The following ARHGAP31 variants were observed in gnomAD, a reference collection of about 807,000 sequenced individuals.
ARHGAP31 encodes the protein rho GTPase-activating protein 31.
ARHGAP31 carries 34 observed loss-of-function variants against 113.9 expected under a neutral mutation model. The ratio of observed to expected loss-of-function variants is 0.30; its 90% CI spans 0.23 to 0.40. ARHGAP31 has a LOEUF of 0.40. ARHGAP31 is among the 10% of genes least tolerant of loss of function. ARHGAP31 has a pLI of 1.00. For synonymous variants in ARHGAP31, 650 were observed against 684.8 expected, an observed-to-expected ratio of 0.95 and a Z score of 0.79; for missense variants, 1,548 against 1,767.1, an observed-to-expected ratio of 0.88 and a Z score of 2.22.
chr3:119,305,227 G>T (rs556615551), intron 1 of ARHGAP31, among the ~76,000 whole-genome samples: 4 of 152,170 alleles, frequency 2.6e-5, no homozygotes, highest in African/African-American at 9.7e-5. Context: ...AGTAAAACAG[G>T]TCTGATATGC....
In ARHGAP31 at chr3:119,343,617, TGTGGCTGGTA is replaced by T. The variant is rs2080029567; in HGVS notation, c.101-21696_101-21687del. On this transcript the variant is annotated intron_variant, in intron 1 of 11. Coordinates refer to ENST00000264245, the MANE Select transcript of ARHGAP31 (RefSeq NM_020754.4). ...ATCCACATATTCATACCATCAAAAA[TGTGGCTGGTA>T]GTCAAGGAGCAGAGCCACCAGGAGG... Among the ~76,000 whole-genome samples the T allele has an allele frequency of 2.0e-5, 3 of 152,150 alleles. No homozygotes were observed. In the South Asian group the frequency reaches 6.2e-4, roughly 31 times the overall value.
intron 1 of ARHGAP31, among the ~76,000 whole-genome samples, chr3:119,345,947 C>T (rs1015400630): frequency 1.3e-5 from 2 of 152,256 alleles, no homozygotes; most frequent in African/African-American, 4.8e-5. Context: ...CAGATGCTCA[C>T]TGCCTGTCCT....
intron 4 of ARHGAP31, 28 bp downstream of exon 4, chr3:119,381,014 T>C (rs758721508): frequency 3.1e-6 from 5 of 1,592,214 alleles, no homozygotes; most frequent in Non-Finnish European, 3.4e-6. Context: ...AAGAAACGTG[T>C]GGCCTCTCAA....
intron 3 of ARHGAP31, among the ~76,000 whole-genome samples, chr3:119,369,418 G>A (rs2080277710): frequency 6.6e-6 from 1 of 152,232 alleles, no homozygotes; most frequent in African/African-American, 2.4e-5. Context: ...AGTGAAGTCA[G>A]TGGACTGTAT....
Position 119,294,517 on chromosome 3 carries a change from G to A in ARHGAP31, c.-388G>A. ...GGCAGTCTCCTCGCCCCGCGTCCGC[G>A]TCGTCTCCGGGGCACTTAGTAAGGG... On this transcript the variant is annotated 5_prime_UTR_variant, in exon 1 of 12. Coordinates refer to ENST00000264245, the MANE Select transcript of ARHGAP31 (RefSeq NM_020754.4). The A allele has an allele frequency of 2.2e-6, 1 of 451,024 alleles. No individual in the cohort carries two copies. The highest frequency in any genetic ancestry group is 3.8e-6 in the Non-Finnish European group (1 of 261,858). 27.9% of individuals were successfully genotyped at this position (451,024 alleles called of 1,614,324 possible).
At chr3:119,371,105 A>G (rs1435536930) in intron 3 of ARHGAP31, among the ~76,000 whole-genome samples, 1 of 152,226 alleles carries the variant, frequency 6.6e-6, no homozygotes, top group East Asian at 1.9e-4. Flanking sequence ...TCTTATCAGT[A>G]CCATATTATC....
At chr3:119,396,051 A>T (rs1187442320) in intron 8 of ARHGAP31, among the ~76,000 whole-genome samples, 1 of 152,220 alleles carries the variant, frequency 6.6e-6, no homozygotes, top group Non-Finnish European at 1.5e-5. Flanking sequence ...GCCATGAAAG[A>T]GGTTCACCAG....
chr3:119,327,134 T>C (rs1353844513), intron 1 of ARHGAP31, among the ~76,000 whole-genome samples: 1 of 151,744 alleles, frequency 6.6e-6, no homozygotes, highest in Non-Finnish European at 1.5e-5. Flanking sequence ...AGCCAGACCT[T>C]GTCTCAAAAA....
At chr3:119,364,587 A>T (rs1462928227) in intron 1 of ARHGAP31, among the ~76,000 whole-genome samples, 1 of 152,176 alleles carries the variant, frequency 6.6e-6, no homozygotes, top group African/African-American at 2.4e-5. Flanking sequence ...AAAGGCACAG[A>T]TTGCTGGGCC....
Position 119,415,131 on chromosome 3 carries a change from A to G in ARHGAP31, c.3202A>G (p.Ser1068Gly). 4 of 1,614,212 alleles carry G rather than the reference A, an allele frequency of 2.5e-6. No homozygotes were observed. Among genetic ancestry groups the G allele is most frequent in the Middle Eastern group, 1.6e-4 (1 of 6,062 alleles). The change falls in exon 12 of 12, where the codon AGC becomes GGC. Residue 1068 changes from serine to glycine, a missense_variant. Physicochemically the swap from Ser to Gly is moderately conservative, Grantham distance 56 (BLOSUM62 0). Coordinates refer to ENST00000264245, the MANE Select transcript of ARHGAP31 (RefSeq NM_020754.4). ...AGGTGGTGTTCCTGGGCCAGAGAGCAGCAAGGAGAGTTCACCCAGCGTGCA... is the reference window on the plus strand; with the variant it reads ...AGGTGGTGTTCCTGGGCCAGAGAGCGGCAAGGAGAGTTCACCCAGCGTGCA... ...RQGGVPGPES[S>G]KESSPSVQDS...
At chr3:119,318,286 T>A (rs1266309178) in intron 1 of ARHGAP31, among the ~76,000 whole-genome samples, 1 of 152,132 alleles carries the variant, frequency 6.6e-6, no homozygotes, top group Admixed American at 6.5e-5. Context: ...ACCCAGCAGT[T>A]TCTACGAAGT....
intron 1 of ARHGAP31, among the ~76,000 whole-genome samples, chr3:119,301,004 T>C (rs2107592580): frequency 6.6e-6 from 1 of 151,886 alleles, no homozygotes. Context: ...GCTCCCAGAG[T>C]GAAACAGGAA....
intron 7 of ARHGAP31, among the ~76,000 whole-genome samples, chr3:119,391,589 AC>A (rs368549202): frequency 0.21 from 21,247 of 102,970 alleles, 1,704 homozygotes; most frequent in African/African-American, 0.41. Flanking sequence ...CTGGGTCTCT[AC>A]CCCCCCCTCC....
intron 7 of ARHGAP31, among the ~76,000 whole-genome samples, chr3:119,392,398 T>C (rs2107636322): frequency 6.6e-6 from 1 of 152,314 alleles, no homozygotes; most frequent in South Asian, 2.1e-4. Flanking sequence ...CAGTAAGCCT[T>C]GTTTGCACCA....
chr3:119,353,527 G>A (rs2080129158), intron 1 of ARHGAP31, among the ~76,000 whole-genome samples: 1 of 152,214 alleles, frequency 6.6e-6, no homozygotes, highest in African/African-American at 2.4e-5. Context: ...TAGCTAGGCT[G>A]GGCACGGTGG....
intron 6 of ARHGAP31, among the ~76,000 whole-genome samples, chr3:119,389,434 A>C (rs2080484262): frequency 6.6e-6 from 1 of 152,260 alleles, no homozygotes; most frequent in Admixed American, 6.5e-5. Flanking sequence ...ACAAATATTC[A>C]AAGTAGATTA....
intron 2 of ARHGAP31, among the ~76,000 whole-genome samples, chr3:119,367,421 T>C (rs944538352): frequency 2.0e-5 from 3 of 152,182 alleles, no homozygotes; most frequent in African/African-American, 7.2e-5. Context: ...TTTTAGGAAA[T>C]GTTTTCTAAA....
intron 1 of ARHGAP31, among the ~76,000 whole-genome samples, chr3:119,326,477 GA>G (rs2079845165): frequency 7.4e-6 from 1 of 134,352 alleles, no homozygotes; most frequent in Non-Finnish European, 1.7e-5. Flanking sequence ...TAAAACTTAA[GA>G]AAGTATGAGA....
At chr3:119,342,741 G>A (rs2080020291) in intron 1 of ARHGAP31, among the ~76,000 whole-genome samples, 1 of 152,154 alleles carries the variant, frequency 6.6e-6, no homozygotes. Context: ...CCTGAGGTTG[G>A]GAGTTCGAGA....
Sources: allele counts gnomAD v4.1 joint callset (sites outside exome capture counted in the v4.1 genomes callset), GRCh38; gene constraint gnomAD v4.1.1; transcripts MANE v1.5; gene names NCBI Gene and HGNC (gene_info 2026-07-23, HGNC 2026-07-21).